The following COL4A6 variants were observed in gnomAD, a reference collection of about 807,000 sequenced individuals.
COL4A6 encodes the protein collagen type IV alpha 6 chain, also known as collagen alpha-6(IV) chain.
COL4A6 carries 59 observed loss-of-function variants against 126.7 expected under a neutral mutation model. The ratio of observed to expected loss-of-function variants is 0.47; its 90% CI spans 0.38 to 0.58. The LOEUF (loss-of-function observed/expected upper bound fraction) is 0.58, where lower values mean the gene tolerates loss of function less well. Ranked by LOEUF, COL4A6 falls within the 20% of genes least tolerant of loss-of-function variation. The pLI is 0.00. For synonymous variants in COL4A6, 547 were observed against 496.6 expected (o/e 1.10, Z -1.35); for missense variants, 1,285 against 1,337.3 (o/e 0.96, Z 0.61).
chrX:108,342,605 C>T (rs1446357056), intron 2 of COL4A6, among the ~76,000 whole-genome samples: 1 of 111,726 alleles, frequency 9.0e-6, no homozygotes, highest in Admixed American at 9.5e-5. Context: ...ATGGCACATT[C>T]TACGAATAAT....
chrX:108,316,713 C>T lies in COL4A6; in HGVS notation c.64-5885G>A, dbSNP rs2038889104. Among the ~76,000 whole-genome samples, 3 of 111,921 alleles carry T rather than the reference C, an allele frequency of 2.7e-5. No individual in the cohort carries two copies. In the Admixed American group the frequency reaches 2.9e-4, roughly 11 times the overall value. ...TGCACATAATGTTTCAGAAACACTG[C>T]TATAGAAGATGAAGGAATGAGTTAT... is the stretch of plus-strand genomic sequence containing the variant. On this transcript the variant is annotated intron_variant, in intron 2 of 44. Coordinates refer to ENST00000334504, the MANE Select transcript of COL4A6 (RefSeq NM_033641.4).
chrX:108,344,512 A>G (rs1290485481), intron 2 of COL4A6, among the ~76,000 whole-genome samples: 2 of 112,284 alleles, frequency 1.8e-5, no homozygotes, highest in Non-Finnish European at 3.8e-5. Context: ...GCTGAGACTC[A>G]GCACTAAGGC....
intron 2 of COL4A6, among the ~76,000 whole-genome samples, chrX:108,350,647 A>C (rs1295609121): frequency 8.9e-6 from 1 of 111,847 alleles, no homozygotes; most frequent in Non-Finnish European, 1.9e-5. Flanking sequence ...ATACTTAAGG[A>C]GGTTCAGCTT....
At chrX:108,185,391 G>GAA (rs201862310) in intron 23 of COL4A6, among the ~76,000 whole-genome samples, 4,306 of 83,298 alleles carry the variant, frequency 0.052, 206 homozygotes, top group East Asian at 0.12. Flanking sequence ...CTTCATTTCA[G>GAA]AAAAAAAAAA....
chrX:108,385,325 A>C (rs1173922095), intron 2 of COL4A6, among the ~76,000 whole-genome samples: 1 of 111,155 alleles, frequency 9.0e-6, no homozygotes, highest in Admixed American at 9.6e-5. Context: ...GAAAACTACA[A>C]AACATTTTTA....
intron 15 of COL4A6, 128 bp downstream of exon 15, chrX:108,194,954 C>T (rs1406667635): frequency 1.3e-5 from 7 of 546,321 alleles, no homozygotes; most frequent in Non-Finnish European, 1.8e-5. Context: ...TAAGATTATA[C>T]CAAAAAAAAG....
At position 108,175,598 on chromosome X, in the gene COL4A6, A is replaced by AAT. The variant is rs2034455423; in HGVS notation, c.2830+54_2830+55dup. ...CAGGAATAACCAAGTCAACAAACAAAATATATATATTGAAAAGCATGGGCA... is the reference window on the plus strand; with the variant it reads ...CAGGAATAACCAAGTCAACAAACAAAATATATATATATTGAAAAGCATGGGCA... On this transcript the variant is annotated intron_variant, in intron 29 of 44. Coordinates refer to ENST00000334504, the MANE Select transcript of COL4A6 (RefSeq NM_033641.4). The AAT allele has an allele frequency of 8.0e-6, 9 of 1,126,973 alleles. No individual in the cohort carries two copies. In the South Asian group the frequency reaches 1.4e-4, roughly 18 times the overall value. The allele number at this position is 1,126,973 out of a possible 1,213,427, so 92.9% of individuals were successfully genotyped here.
intron 2 of COL4A6, among the ~76,000 whole-genome samples, chrX:108,384,788 G>A (rs1259973063): frequency 8.9e-6 from 1 of 112,081 alleles, no homozygotes; most frequent in Non-Finnish European, 1.9e-5. Context: ...GATTTGGAGA[G>A]TCAAATAACT....
chrX:108,329,729 T>G (rs927278350), intron 2 of COL4A6, among the ~76,000 whole-genome samples: 25 of 111,825 alleles, frequency 2.2e-4, no homozygotes, highest in African/African-American at 8.1e-4. Context: ...AGGAGTTTCA[T>G]TGTACTATTC....
intron 3 of COL4A6, among the ~76,000 whole-genome samples, chrX:108,280,268 G>A (rs1383006351): frequency 9.0e-6 from 1 of 111,294 alleles, no homozygotes; most frequent in Admixed American, 9.6e-5. Context: ...AAGAAGAAAA[G>A]AGAGAAGAAT....
intron 26 of COL4A6, among the ~76,000 whole-genome samples, 182 bp downstream of exon 26, chrX:108,179,035 A>G (rs747515087): frequency 3.6e-5 from 4 of 112,451 alleles, no homozygotes; most frequent in Non-Finnish European, 7.5e-5. Flanking sequence ...AATTACTAAG[A>G]CAGTAAAGTC....
intron 2 of COL4A6, among the ~76,000 whole-genome samples, chrX:108,391,552 C>T (rs1400741149): frequency 2.7e-5 from 3 of 111,799 alleles, no homozygotes; most frequent in Admixed American, 1.9e-4. Context: ...AGCTCCCAGT[C>T]GACCTCAGAC....
intron 2 of COL4A6, among the ~76,000 whole-genome samples, chrX:108,419,591 G>T (rs185407350): frequency 3.4e-4 from 38 of 111,872 alleles, no homozygotes; most frequent in African/African-American, 1.2e-3. Context: ...AATAGGACGT[G>T]GCATAATAAA....
At chrX:108,373,197 G>A (rs964093144) in intron 2 of COL4A6, among the ~76,000 whole-genome samples, 8 of 111,338 alleles carry the variant, frequency 7.2e-5, no homozygotes, top group Admixed American at 1.9e-4. Flanking sequence ...GAGCCCAGTA[G>A]TTCAAGACCA....
intron 2 of COL4A6, among the ~76,000 whole-genome samples, chrX:108,429,992 T>C (rs975268378): frequency 8.9e-6 from 1 of 111,778 alleles, no homozygotes. Context: ...ATCCTGGACA[T>C]CCTAAGTACA....
chrX:108,243,134 A>C (rs1378594585), intron 3 of COL4A6, among the ~76,000 whole-genome samples: 1 of 111,831 alleles, frequency 8.9e-6, no homozygotes, highest in Non-Finnish European at 1.9e-5. Flanking sequence ...TGCTGAAGCG[A>C]CTTCACATTG....
chrX:108,408,369 G>A (rs922966526), intron 2 of COL4A6, among the ~76,000 whole-genome samples: 2 of 109,359 alleles, frequency 1.8e-5, no homozygotes, highest in Admixed American at 9.8e-5. Context: ...AAGAAAGAAC[G>A]AAAGAAAGAA....
intron 26 of COL4A6, 41 bp from the exon 27 acceptor site, chrX:108,178,886 T>G: frequency 7.7e-6 from 9 of 1,166,956 alleles, no homozygotes; most frequent in Non-Finnish European, 1.0e-5. Context: ...CCTGGAGAGA[T>G]AGCAGTGAGT....
intron 20 of COL4A6, among the ~76,000 whole-genome samples, chrX:108,188,956 T>C (rs2034955925): frequency 8.9e-6 from 1 of 112,214 alleles, no homozygotes; most frequent in Admixed American, 9.5e-5. Context: ...GAGTCTGGAA[T>C]TCAAGCCGCT....
Sources: gnomAD v4.1 joint callset for allele counts (sites outside exome capture counted in the v4.1 genomes callset) on GRCh38, gnomAD v4.1.1 for gene constraint, MANE v1.5 for transcripts, NCBI Gene and HGNC (gene_info 2026-07-23, HGNC 2026-07-21) for gene names.